The following DNTTIP2 variants were observed in gnomAD, a reference collection of about 807,000 sequenced individuals.
DNTTIP2 encodes deoxynucleotidyltransferase terminal-interacting protein 2.
A neutral mutation model predicts 62.4 loss-of-function variants in DNTTIP2; 47 were observed. The observed-to-expected ratio is 0.75, with a 90% CI of 0.60 to 0.96. The LOEUF (loss-of-function observed/expected upper bound fraction) is 0.96, where lower values mean the gene tolerates loss of function less well. DNTTIP2 is among the 40% of genes least tolerant of loss of function. The pLI is 0.00. For synonymous variants in DNTTIP2, 322 were observed against 300.9 expected (o/e 1.07, Z -0.73); for missense variants, 870 against 849.1 (o/e 1.02, Z -0.31).
Position 93,876,548 on chromosome 1 carries a change from A to C in DNTTIP2, c.1387T>G (p.Leu463Val). ...SENSENEEDT[L>V]CFVENSGQRE... ...TGGCCACTATTTTCAACAAAACATA[A>C]AGTATCCTCTTCATTCTCACTGTTT... The change falls in exon 2 of 7, where the codon TTA becomes GTA. Residue 463 changes from leucine (L) to valine (V), a missense_variant. Leu to Val is a conservative substitution (Grantham distance 32). Transcript: ENST00000436063. 1 of 1,614,012 alleles carries C rather than the reference A, an allele frequency of 6.2e-7. No individual in the cohort carries two copies. Among genetic ancestry groups the C allele is most frequent in the South Asian group, 1.1e-5 (1 of 91,068 alleles).
intron 6 of DNTTIP2, 82 bp downstream of exon 6, chr1:93,870,601 T>G (rs1655833529): frequency 1.4e-6 from 1 of 706,880 alleles, no homozygotes; most frequent in African/African-American, 1.8e-5. Flanking sequence ...ATGAGTTATT[T>G]TTAAATTATT....
rs994070838 is a variant in DNTTIP2 at position 93,870,005 on chromosome 1, C to T, written c.2178-61G>A. 8 of 727,500 alleles carry T rather than the reference C, an allele frequency of 1.1e-5. No individual in the cohort carries two copies. In the Admixed American group the frequency reaches 1.4e-4, roughly 13 times the overall value. 45.1% of individuals were successfully genotyped at this position (727,500 alleles called of 1,614,324 possible). Reference sequence around the variant, plus strand: ...ATCAGACATTAGAAGTTAATATAACCTTAGGGTAAAAGTTGGGAATGGAGT... The same window carrying T: ...ATCAGACATTAGAAGTTAATATAACTTTAGGGTAAAAGTTGGGAATGGAGT... On this transcript the variant is annotated intron_variant, in intron 6 of 6. Coordinates refer to ENST00000436063, the MANE Select transcript of DNTTIP2 (RefSeq NM_014597.5).
At chr1:93,873,638 A>G (rs1337667598) in intron 3 of DNTTIP2, among the ~76,000 whole-genome samples, 2 of 151,444 alleles carry the variant, frequency 1.3e-5, no homozygotes, top group African/African-American at 2.4e-5. Flanking sequence ...AAAAAAGAAA[A>G]AAGAAAAAAA....
intron 4 of DNTTIP2, 34 bp from the exon 5 acceptor site, chr1:93,872,270 C>T: frequency 6.2e-7 from 1 of 1,604,384 alleles, no homozygotes; most frequent in Non-Finnish European, 8.5e-7. Flanking sequence ...AACATTCTAA[C>T]AGCTAAGAGT....
rs574774108 is a variant in DNTTIP2 at position 93,871,205 on chromosome 1, T to C, written c.2068-413A>G. Among the ~76,000 whole-genome samples the C allele has an allele frequency of 6.6e-5, 10 of 152,324 alleles. No individual in the cohort carries two copies. The East Asian group carries it at 1.3e-3, about 21-fold the overall frequency. ...TTAGTGATCATTCTGTATTTGTTCA[T>C]ACACTCAACTGAATAAAATTTACAG... On this transcript the variant is annotated intron_variant, in intron 5 of 6. Coordinates refer to ENST00000436063, the MANE Select transcript of DNTTIP2 (RefSeq NM_014597.5).
Position 93,869,858 on chromosome 1 carries a change from C to A in DNTTIP2, c.2264G>T (p.Arg755Leu), listed in dbSNP as rs571953932. 2 of 779,956 alleles carry A rather than the reference C, an allele frequency of 2.6e-6. No homozygotes were observed. Among genetic ancestry groups the A allele is most frequent in the Non-Finnish European group, 4.8e-6 (2 of 417,548 alleles). The allele number at this position is 779,956 out of a possible 1,614,324, so 48.3% of individuals were successfully genotyped here. The change falls in exon 7 of 7, where the codon CGC becomes CTC. Residue 755 changes from arginine to leucine, a missense_variant. Coordinates refer to ENST00000436063, the MANE Select transcript of DNTTIP2 (RefSeq NM_014597.5). Reference sequence around the variant, plus strand: ...CAGTTTGCTTGGTAAATCTTAATTGCGAAATTTCTTCTTCTTTCGGAACTT... The same window carrying A: ...CAGTTTGCTTGGTAAATCTTAATTGAGAAATTTCTTCTTCTTTCGGAACTT... The part of the protein sequence containing the change: ...GKKFRKKKKF[R>L]N
Position 93,868,478 on chromosome 1 carries a change from C to G in DNTTIP2, c.*1373G>C, listed in dbSNP as rs1655773633. 6.6e-6 allele frequency: 1 copy of G among 151,982 alleles called. No homozygotes were observed. The allele number at this position is 151,982 out of a possible 1,614,324, so 9.4% of individuals were successfully genotyped here. On this transcript the variant is annotated 3_prime_UTR_variant, in exon 7 of 7. Coordinates refer to ENST00000436063, the MANE Select transcript of DNTTIP2 (RefSeq NM_014597.5). ...TCTAGGACCAGAAATACCATTTGAC[C>G]CAGCAATCCCATTACTGGGTATATA...
rs369800136 is a variant in DNTTIP2, at chr1:93,877,866, C to T, written c.73-4G>A. 12 of 1,596,744 alleles carry T rather than the reference C, an allele frequency of 7.5e-6. No individual in the cohort carries two copies. The African/African-American group carries it at 1.6e-4, about 21-fold the overall frequency. ...GAATCCCATTAGCAGCAAAACTCTG[C>T]AAACCAGAGAAAACACACTGTAATT... is the stretch of plus-strand genomic sequence containing the variant. On this transcript the variant is annotated splice_polypyrimidine_tract_variant and splice_region_variant and intron_variant, in intron 1 of 6. Coordinates refer to ENST00000436063, the MANE Select transcript of DNTTIP2 (RefSeq NM_014597.5).
At chr1:93,879,009 G>C (rs1656086218) in intron 1 of DNTTIP2, 68 bp downstream of exon 1, 1 of 1,586,170 alleles carries the variant, frequency 6.3e-7, no homozygotes, top group East Asian at 2.2e-5. Flanking sequence ...CCGGACCCTT[G>C]CGCCGCCCCG....
At position 93,877,393 on chromosome 1, in the gene DNTTIP2, T is replaced by C. The variant is rs1361461038; in HGVS notation, c.542A>G (p.Glu181Gly). 1.5e-5 allele frequency: 25 copies of C among 1,613,862 alleles called. No individual in the cohort carries two copies. Among genetic ancestry groups the C allele is most frequent in the Non-Finnish European group, 2.1e-5 (25 of 1,179,892 alleles). Residue 181 changes from glutamate to glycine, a missense_variant, in exon 2 of 7, where the codon GAA becomes GGA. Physicochemically the swap from Glu to Gly is moderately conservative, Grantham distance 98. Coordinates refer to ENST00000436063, the MANE Select transcript of DNTTIP2 (RefSeq NM_014597.5). ...TGATGTCTCAGCATCAGATATAGCTTCTGTATGAGATTCTTGGCTTGGATC... is the reference window on the plus strand; with the variant it reads ...TGATGTCTCAGCATCAGATATAGCTCCTGTATGAGATTCTTGGCTTGGATC... ...LTDPSQESHT[E>G]AISDAETSSS...
intron 3 of DNTTIP2, among the ~76,000 whole-genome samples, chr1:93,874,895 G>A (rs1283682562): frequency 6.6e-6 from 1 of 152,236 alleles, no homozygotes; most frequent in Non-Finnish European, 1.5e-5. Flanking sequence ...TAGTCCAGAT[G>A]AGAAGCAAAG....
rs1413268166 is a variant in DNTTIP2 at position 93,877,470 on chromosome 1, A to G, written c.465T>C (p.Leu155=). 1 of 1,613,866 alleles carries G rather than the reference A, an allele frequency of 6.2e-7. No individual in the cohort carries two copies. The highest frequency in any genetic ancestry group is 2.2e-5 in the East Asian group (1 of 44,882). Residue 155 remains leucine, a synonymous_variant, in exon 2 of 7, where the codon CTT becomes CTC. Transcript: ENST00000436063. ...TGGCTCCTGTAGTTTTTTCTGTAGG[A>G]AGCACAATTCTAGAAATACCTGAAA... is the stretch of plus-strand genomic sequence containing the variant. ...SHVSGISRIV[L]PTEKTTGARR...
At position 93,867,157 on chromosome 1, in the gene DNTTIP2, A is replaced by G. The variant is rs1655741314; in HGVS notation, c.*2694T>C. The G allele has an allele frequency of 6.6e-6, 1 of 151,462 alleles. No individual in the cohort carries two copies. Among genetic ancestry groups the G allele is most frequent in the Non-Finnish European group, 1.5e-5 (1 of 67,940 alleles). The allele number at this position is 151,462 out of a possible 1,614,324, so 9.4% of individuals were successfully genotyped here. A position where few individuals can be genotyped will look rare whatever the true frequency, so the allele number is the denominator to read the frequency against. ...AGTCCGTCTCTCAAAAAAAAAAAAAAAAAAAGCATCTTGGAGCCAGATGGT... is the reference window on the plus strand; with the variant it reads ...AGTCCGTCTCTCAAAAAAAAAAAAAGAAAAAGCATCTTGGAGCCAGATGGT... On this transcript the variant is annotated 3_prime_UTR_variant, in exon 7 of 7. Transcript: ENST00000436063.
At chr1:93,876,109 C>T in intron 2 of DNTTIP2, among the ~76,000 whole-genome samples, 159 bp downstream of exon 2, 1 of 149,506 alleles carries the variant, frequency 6.7e-6, no homozygotes, top group East Asian at 2.0e-4. Flanking sequence ...GGTGCACACC[C>T]AACACCTGGC....
In DNTTIP2 at chr1:93,869,190, C is replaced by T. The variant is rs909731818; in HGVS notation, c.*661G>A. ...GAGAAGAGGTAAGCTGGGTTAACTT[C>T]GAAGAAACCCTGGCCAACTTAAATT... On this transcript the variant is annotated 3_prime_UTR_variant, in exon 7 of 7. Transcript: ENST00000436063. The T allele has an allele frequency of 8.8e-6, 1 of 113,072 alleles. No individual in the cohort carries two copies. Among genetic ancestry groups the T allele is most frequent in the Non-Finnish European group, 1.8e-5 (1 of 55,838 alleles). The allele number at this position is 113,072 out of a possible 1,614,324, so 7.0% of individuals were successfully genotyped here.
chr1:93,874,528 G>A (rs1329086626), intron 3 of DNTTIP2, among the ~76,000 whole-genome samples: 1 of 152,188 alleles, frequency 6.6e-6, no homozygotes, highest in East Asian at 1.9e-4. Context: ...CTTGCTTGGG[G>A]AAAAGCAGGG....
Position 93,875,643 on chromosome 1 carries a change from ACCT to A in DNTTIP2, c.1805_1806+1del. The A allele has an allele frequency of 6.2e-7, 1 of 1,606,456 alleles. No homozygotes were observed. Among genetic ancestry groups the A allele is most frequent in the Non-Finnish European group, 8.5e-7 (1 of 1,177,980 alleles). The stretch of plus-strand genomic sequence containing the variant: ...GAAAACCTAACAGCACAATTAACTT[ACCT>A]CATTTTTCTTTTTCTCCTTGATCTG... On this transcript the variant is annotated splice_donor_variant and coding_sequence_variant, in exon 3 of 7. Transcript: ENST00000436063. LOFTEE classifies it high-confidence loss of function.
At chr1:93,869,966 T>G (rs748391114) in intron 6 of DNTTIP2, 22 bp from the exon 7 acceptor site, 1 of 771,892 alleles carries the variant, frequency 1.3e-6, no homozygotes. Flanking sequence ...AAATCAGAAC[T>G]TTATGTTTGA....
At position 93,876,394 on chromosome 1, in the gene DNTTIP2, A is replaced by G. The variant is rs752705683; in HGVS notation, c.1541T>C (p.Val514Ala). 37 of 1,601,582 alleles carry G rather than the reference A, an allele frequency of 2.3e-5. No individual in the cohort carries two copies. Among genetic ancestry groups the G allele is most frequent in the South Asian group, 1.8e-4 (16 of 89,998 alleles). ...YLEEEDKASE[V>A]AIEEEKEEEE... The stretch of plus-strand genomic sequence containing the variant: ...CTCTTCTTTTTCTTCCTCAATGGCA[A>G]CCTCACTTGCCTTGTCTTCCTCTTC... The change falls in exon 2 of 7, where the codon GTT (valine) becomes GCT (alanine). Residue 514 changes from valine to alanine, a missense_variant. Val to Ala is a moderately conservative substitution (Grantham distance 64). Transcript: ENST00000436063.
Sources: allele counts gnomAD v4.1 joint callset (sites outside exome capture counted in the v4.1 genomes callset), GRCh38; gene constraint gnomAD v4.1.1; transcripts MANE v1.5; gene names NCBI Gene and HGNC (gene_info 2026-07-23, HGNC 2026-07-21).